Variants in CEP83 observed in about 807,000 individuals in gnomAD.
CEP83 encodes centrosomal protein 83.
CEP83 carries 70 observed loss-of-function variants against 101.9 expected under a neutral mutation model. The ratio of observed to expected loss-of-function variants is 0.69; its 90% CI spans 0.57 to 0.84. CEP83 has a LOEUF of 0.84. CEP83 is among the 40% of genes least tolerant of loss of function. The probability of loss-of-function intolerance (pLI) is 0.00; values close to 1 mark genes in which losing one functional copy is unlikely to be tolerated. For synonymous variants in CEP83, 264 were observed against 267.9 expected (o/e 0.99, Z 0.14); for missense variants, 715 against 787.2 (o/e 0.91, Z 1.10).
chr12:94,392,651 G>C (rs971717304), intron 6 of CEP83, among the ~76,000 whole-genome samples: 2 of 152,300 alleles, frequency 1.3e-5, no homozygotes, highest in African/African-American at 2.4e-5. Context: ...GAGCAGAATT[G>C]AAAGAGATAG....
chr12:94,407,564 A>C (rs995689862), intron 4 of CEP83, among the ~76,000 whole-genome samples: 8 of 152,204 alleles, frequency 5.3e-5, no homozygotes, highest in Admixed American at 4.6e-4. Flanking sequence ...GCAATCTAAT[A>C]GCATACAACA....
At chr12:94,337,796 G>A (rs920321074) in intron 11 of CEP83, among the ~76,000 whole-genome samples, 3 of 152,138 alleles carry the variant, frequency 2.0e-5, no homozygotes, top group Non-Finnish European at 4.4e-5. Context: ...AGGAAGTAGA[G>A]AGATGGGATT....
Position 94,412,562 on chromosome 12 carries a change from A to C in CEP83, c.-72T>G, listed in dbSNP as rs1263476070. On this transcript the variant is annotated 5_prime_UTR_variant, in exon 3 of 17. Coordinates refer to ENST00000397809, the MANE Select transcript of CEP83 (RefSeq NM_016122.3). ...GGGTATTTCCCACTCCTTTCTTGCTAAGGCAGAATCTCAGGAAGCCAAATT... is the reference window on the plus strand; with the variant it reads ...GGGTATTTCCCACTCCTTTCTTGCTCAGGCAGAATCTCAGGAAGCCAAATT... 2 of 1,436,918 alleles carry C rather than the reference A, an allele frequency of 1.4e-6. No homozygotes were observed. The highest frequency in any genetic ancestry group is 1.9e-6 in the Non-Finnish European group (2 of 1,042,070). The allele number at this position is 1,436,918 out of a possible 1,614,324, so 89.0% of individuals were successfully genotyped here.
At position 94,401,455 on chromosome 12, in the gene CEP83, C is replaced by T. The variant is rs190357798; in HGVS notation, c.418-474G>A. ...ACAATGATAGTTTAACTCAACAGACCAACCTGAAGAATACGTGCAGCATCA... is the reference window on the plus strand; with the variant it reads ...ACAATGATAGTTTAACTCAACAGACTAACCTGAAGAATACGTGCAGCATCA... On this transcript the variant is annotated intron_variant, in intron 5 of 16. Coordinates refer to ENST00000397809, the MANE Select transcript of CEP83 (RefSeq NM_016122.3). Among the ~76,000 whole-genome samples, 255 of 152,098 alleles carry T rather than the reference C, an allele frequency of 1.7e-3. 1 individual carries two copies. The highest frequency in any genetic ancestry group is 0.016 in the Admixed American group (238 of 15,292).
chr12:94,373,076 T>C (rs1463560926), intron 8 of CEP83, among the ~76,000 whole-genome samples: 1 of 152,220 alleles, frequency 6.6e-6, no homozygotes, highest in Non-Finnish European at 1.5e-5. Flanking sequence ...AGATCCTTGG[T>C]TCTTAATCTT....
intron 6 of CEP83, among the ~76,000 whole-genome samples, chr12:94,390,649 C>G (rs542423052): frequency 6.6e-6 from 1 of 152,184 alleles, no homozygotes; most frequent in Non-Finnish European, 1.5e-5. Flanking sequence ...CAGAAGTAGG[C>G]TTCAGAAGGT....
chr12:94,312,504 T>C, intron 15 of CEP83: 1 of 811,700 alleles, frequency 1.2e-6, no homozygotes, highest in Non-Finnish European at 1.5e-6. Flanking sequence ...TCAGATGTGC[T>C]TGAATGTGAC....
At chr12:94,410,010 G>A (rs953328804) in intron 4 of CEP83, among the ~76,000 whole-genome samples, 13 of 152,068 alleles carry the variant, frequency 8.5e-5, no homozygotes, top group Non-Finnish European at 1.9e-4. Context: ...CCTGGTTGGG[G>A]ATACAACTCA....
chr12:94,295,598 C>T, the CEP83 span, among the ~76,000 whole-genome samples: 1 of 152,188 alleles, frequency 6.6e-6, no homozygotes, highest in Non-Finnish European at 1.5e-5. Flanking sequence ...CCTGCTAATA[C>T]TCTAAACCTC....
At chr12:94,440,469 A>C (rs1234573655) in intron 1 of CEP83, among the ~76,000 whole-genome samples, 1 of 152,128 alleles carries the variant, frequency 6.6e-6, no homozygotes, top group African/African-American at 2.4e-5. Context: ...ATACTTAGGA[A>C]TATACCTAAC....
At chr12:94,396,947 T>G (rs1342777614) in intron 6 of CEP83, among the ~76,000 whole-genome samples, 1 of 152,246 alleles carries the variant, frequency 6.6e-6, no homozygotes, top group East Asian at 1.9e-4. Flanking sequence ...AAAGTATATT[T>G]GAAACTATTT....
Position 94,425,989 on chromosome 12 carries a change from A to G in CEP83, c.-102+9286T>C, listed in dbSNP as rs558516131. ...CAAAAAAAATTAGCTGGGCGTGGTGACAGGCGCCTGTAGTCCCAGCTACTC... is the reference window on the plus strand; with the variant it reads ...CAAAAAAAATTAGCTGGGCGTGGTGGCAGGCGCCTGTAGTCCCAGCTACTC... On this transcript the variant is annotated intron_variant, in intron 2 of 16. Coordinates refer to ENST00000397809, the MANE Select transcript of CEP83 (RefSeq NM_016122.3). Among the ~76,000 whole-genome samples the G allele has an allele frequency of 1.4e-3, 206 of 151,986 alleles. 3 individuals are homozygous for G. Among genetic ancestry groups the G allele is most frequent in the Admixed American group, 0.013 (194 of 15,256 alleles).
intron 1 of CEP83, among the ~76,000 whole-genome samples, chr12:94,435,954 G>A (rs903208459): frequency 6.6e-6 from 1 of 152,036 alleles, no homozygotes; most frequent in Non-Finnish European, 1.5e-5. Flanking sequence ...CAGTAACCCT[G>A]CTGGGTGGCT....
downstream of CEP83, chr12:94,307,214 T>A (rs1239112495): frequency 1.3e-5 from 2 of 152,172 alleles, no homozygotes; most frequent in Non-Finnish European, 2.9e-5. Flanking sequence ...TTTGGGCAAG[T>A]CACTTACCTC....
the CEP83 span, among the ~76,000 whole-genome samples, chr12:94,273,265 CTCTT>C: frequency 2.0e-5 from 3 of 152,150 alleles, no homozygotes; most frequent in African/African-American, 7.2e-5. Context: ...TACAGGGACT[CTCTT>C]TCAGGTGGCA....
chr12:94,332,936 C>G (rs921672718), intron 13 of CEP83, among the ~76,000 whole-genome samples: 2 of 149,956 alleles, frequency 1.3e-5, no homozygotes, highest in Admixed American at 6.7e-5. Context: ...AGTGTTCTAC[C>G]ACATCTAAAC....
downstream of CEP83, chr12:94,305,204 A>T: frequency 6.2e-7 from 1 of 1,609,114 alleles, no homozygotes; most frequent in South Asian, 1.1e-5. Context: ...TAGAAAGAGA[A>T]CGAGGGCTGG....
At position 94,403,379 on chromosome 12, in the gene CEP83, G is replaced by GT. The variant is rs567296406; in HGVS notation, c.325-118dup. 1,341 of 560,116 alleles carry GT rather than the reference G, an allele frequency of 2.4e-3. 3 individuals are homozygous for GT. The highest frequency in any genetic ancestry group is 3.4e-3 in the Non-Finnish European group (1,094 of 320,868). 34.7% of individuals were successfully genotyped at this position (560,116 alleles called of 1,614,324 possible). Reference sequence around the variant, plus strand: ...AATTCATGAAAGTTTTTGCAATATAGTTTTTTTACAGTGATCACTATACAA... The same window carrying GT: ...AATTCATGAAAGTTTTTGCAATATAGTTTTTTTTACAGTGATCACTATACAA... On this transcript the variant is annotated intron_variant, in intron 4 of 16. Coordinates refer to ENST00000397809, the MANE Select transcript of CEP83 (RefSeq NM_016122.3).
At chr12:94,289,965 A>G in the CEP83 span, among the ~76,000 whole-genome samples, 1 of 152,224 alleles carries the variant, frequency 6.6e-6, no homozygotes. Flanking sequence ...TTAATGCCTG[A>G]GCACAGCACT....
Sources: gnomAD v4.1 joint callset for allele counts (sites outside exome capture counted in the v4.1 genomes callset) on GRCh38, gnomAD v4.1.1 for gene constraint, MANE v1.5 for transcripts, NCBI Gene and HGNC (gene_info 2026-07-23, HGNC 2026-07-21) for gene names.